LRRC66: variants seen among roughly 807,000 people sequenced by gnomAD.
The protein encoded by LRRC66 is leucine-rich repeat-containing protein 66.
Under a neutral mutation model 24.6 loss-of-function variants are expected in LRRC66, and 29 were observed. That is an observed-to-expected ratio of 1.18 (90% CI 0.88 to 1.61). The LOEUF (loss-of-function observed/expected upper bound fraction) is 1.61, where lower values mean the gene tolerates loss of function less well. Among genes scored for constraint, LRRC66 ranks in the 40% most tolerant of loss-of-function variants. The pLI, the probability that LRRC66 is intolerant of heterozygous loss-of-function variation, is 0.00. For missense variants in LRRC66, 1,124 were observed against 1,058.0 expected (o/e 1.06, Z -0.87); for synonymous variants, 411 against 397.6 (o/e 1.03, Z -0.40).
At chr4:52,016,104 T>C (rs777765275) in intron 2 of LRRC66, among the ~76,000 whole-genome samples, 5 of 152,202 alleles carry the variant, frequency 3.3e-5, no homozygotes, top group Non-Finnish European at 7.3e-5. Context: ...ATACTACTTT[T>C]ATGGAGAAGG....
Position 52,017,610 on chromosome 4 carries a change from T to C in LRRC66, c.4A>G (p.Lys2Glu), listed in dbSNP as rs544336958. 12 of 1,545,934 alleles carry C rather than the reference T, an allele frequency of 7.8e-6. No homozygotes were observed. The highest frequency in any genetic ancestry group is 2.8e-5 in the African/African-American group (2 of 72,378). The change falls in exon 2 of 5, where the codon AAA (lysine) becomes GAA (glutamate). Residue 2 changes from lysine to glutamate, a missense_variant. Transcript: ENST00000682860. ...GTAATGACTCTGAAATAGAGGTTTTTCATAATGCCTGGAAAAAGGAAAATG... is the reference window on the plus strand; with the variant it reads ...GTAATGACTCTGAAATAGAGGTTTTCCATAATGCCTGGAAAAAGGAAAATG... M[K>E]NLYFRVITIV...
At chr4:52,002,577 C>G (rs1178937185) in intron 3 of LRRC66, among the ~76,000 whole-genome samples, 3 of 152,172 alleles carry the variant, frequency 2.0e-5, no homozygotes, top group Admixed American at 1.3e-4. Context: ...TAATTGGCAC[C>G]TTGGGAGATT....
At chr4:52,011,515 T>C (rs562243994) in intron 2 of LRRC66, among the ~76,000 whole-genome samples, 1 of 152,206 alleles carries the variant, frequency 6.6e-6, no homozygotes, top group African/African-American at 2.4e-5. Context: ...TGTTGGTGAA[T>C]ACTCTAAACA....
intron 4 of LRRC66, 56 bp downstream of exon 4, chr4:51,997,692 C>T: frequency 6.8e-7 from 1 of 1,471,690 alleles, no homozygotes; most frequent in South Asian, 1.2e-5. Context: ...ACTAAAATGT[C>T]TATGTGCATT....
chr4:51,994,774 C>T lies in LRRC66; in HGVS notation c.2248G>A (p.Val750Ile), dbSNP rs1439376119. Residue 750 changes from valine to isoleucine, a missense_variant, in exon 5 of 5, where the codon GTA becomes ATA. Physicochemically the swap from Val to Ile is conservative, Grantham distance 29. Transcript: ENST00000682860. ...GTAACATTTTCCTCAAGACTGTCTACAGCCGTCACATTGTCCTTGCTTGCC... is the reference window on the plus strand; with the variant it reads ...GTAACATTTTCCTCAAGACTGTCTATAGCCGTCACATTGTCCTTGCTTGCC... Reference protein sequence around the residue: ...SGASKDNVTAVDSLEENVTFQ... With the variant: ...SGASKDNVTAIDSLEENVTFQ... 8 of 1,614,110 alleles carry T rather than the reference C, an allele frequency of 5.0e-6. No individual in the cohort carries two copies. Among genetic ancestry groups the T allele is most frequent in the South Asian group, 1.1e-5 (1 of 91,092 alleles).
intron 3 of LRRC66, 107 bp from the exon 4 acceptor site, chr4:51,998,044 G>T: frequency 1.1e-6 from 1 of 929,522 alleles, no homozygotes; most frequent in Non-Finnish European, 1.7e-6. Flanking sequence ...GAGGCAATAT[G>T]GATTTAACAC....
chr4:52,000,754 C>T (rs1407159794), intron 3 of LRRC66, among the ~76,000 whole-genome samples: 6 of 152,188 alleles, frequency 3.9e-5, no homozygotes, highest in South Asian at 2.1e-4. Flanking sequence ...CCGACGGCCA[C>T]GTGAACTTGG....
chr4:52,013,079 T>C (rs1182385965), intron 2 of LRRC66, among the ~76,000 whole-genome samples: 2 of 152,198 alleles, frequency 1.3e-5, no homozygotes, highest in Non-Finnish European at 2.9e-5. Flanking sequence ...TGTGGTCAAA[T>C]TATGTAGGTT....
chr4:51,999,335 A>G (rs1243173590), intron 3 of LRRC66, among the ~76,000 whole-genome samples: 1 of 152,248 alleles, frequency 6.6e-6, no homozygotes, highest in Non-Finnish European at 1.5e-5. Context: ...GGCTTATTCA[A>G]GCAAATAATC....
At chr4:52,006,925 C>T (rs1032847714) in intron 2 of LRRC66, among the ~76,000 whole-genome samples, 2 of 151,922 alleles carry the variant, frequency 1.3e-5, no homozygotes, top group Admixed American at 6.6e-5. Context: ...CCCAACAACA[C>T]CATGGTAGGT....
chr4:52,004,259 T>C (rs1468515103), intron 2 of LRRC66, among the ~76,000 whole-genome samples: 1 of 152,176 alleles, frequency 6.6e-6, no homozygotes, highest in Non-Finnish European at 1.5e-5. Flanking sequence ...TCCACCGCCT[T>C]GGCCTCCCAA....
Position 51,993,990 on chromosome 4 carries a change from C to T in LRRC66, c.*389G>A, listed in dbSNP as rs1519588. On this transcript the variant is annotated 3_prime_UTR_variant, in exon 5 of 5. Transcript: ENST00000682860. Reference sequence around the variant, plus strand: ...TTGAGAAGGAAAGTTAGAACCACTTCGTCTAACTGCAACAGATTCTCTTCT... The same window carrying T: ...TTGAGAAGGAAAGTTAGAACCACTTTGTCTAACTGCAACAGATTCTCTTCT... 71,469 of 166,196 alleles carry T rather than the reference C, an allele frequency of 0.43. 19,358 individuals are homozygous for T. The highest frequency in any genetic ancestry group is 0.78 in the African/African-American group (32,723 of 41,802). The allele number at this position is 166,196 out of a possible 1,614,324, so 10.3% of individuals were successfully genotyped here.
intron 4 of LRRC66, among the ~76,000 whole-genome samples, 159 bp from the exon 5 acceptor site, chr4:51,996,324 G>T (rs1736316681): frequency 6.6e-6 from 1 of 152,098 alleles, no homozygotes; most frequent in Non-Finnish European, 1.5e-5. Context: ...ATAACTCACT[G>T]AAGCCTCAGA....
chr4:52,011,677 C>T (rs976755155), intron 2 of LRRC66, among the ~76,000 whole-genome samples: 1 of 152,154 alleles, frequency 6.6e-6, no homozygotes, highest in Non-Finnish European at 1.5e-5. Flanking sequence ...CTTTTGAACA[C>T]CTGCTGTGTG....
At chr4:52,014,387 T>C (rs1736766962) in intron 2 of LRRC66, among the ~76,000 whole-genome samples, 1 of 152,240 alleles carries the variant, frequency 6.6e-6, no homozygotes, top group Admixed American at 6.5e-5. Context: ...TCAGACAAGA[T>C]TCTGAAGTAG....
Position 51,994,800 on chromosome 4 carries a change from C to T in LRRC66, c.2222G>A (p.Gly741Glu), listed in dbSNP as rs1245492902. 1 of 1,614,194 alleles carries T rather than the reference C, an allele frequency of 6.2e-7. No individual in the cohort carries two copies. Residue 741 changes from glycine (G) to glutamate (E), a missense_variant, in exon 5 of 5, where the codon GGG (glycine) becomes GAG (glutamate). By Grantham distance (98) the Gly-to-Glu change is moderately conservative. Transcript: ENST00000682860. ...AGCCGTCACATTGTCCTTGCTTGCC[C>T]CTGAGCTCTCGTCCTGCAGGGACTC... ...DEESLQDESS[G>E]ASKDNVTAVD...
chr4:52,017,849 T>C, intron 1 of LRRC66: 2 of 985,402 alleles, frequency 2.0e-6, no homozygotes, highest in Non-Finnish European at 1.2e-6. Context: ...ACTCCCCTGA[T>C]TTTTCAGAAA....
Position 51,994,507 on chromosome 4 carries a change from A to T in LRRC66, c.2515T>A (p.Cys839Ser), listed in dbSNP as rs1206260521. The T allele has an allele frequency of 5.0e-6, 8 of 1,614,086 alleles. No homozygotes were observed. The highest frequency in any genetic ancestry group is 1.3e-5 in the African/African-American group (1 of 74,928). ...ALQSKAAEWH[C>S]SLRDLEFSNV... ...GAAAATTCTAAGTCTCTAAGTGAGC[A>T]ATGCCATTCTGCTGCCTTGGATTGA... is the stretch of plus-strand genomic sequence containing the variant. The change falls in exon 5 of 5, where the codon TGC becomes AGC. Residue 839 changes from cysteine (C) to serine (S), a missense_variant. Cys to Ser is a moderately radical substitution (Grantham distance 112). Transcript: ENST00000682860.
At chr4:52,017,881 A>C in intron 1 of LRRC66, 2 of 985,384 alleles carry the variant, frequency 2.0e-6, no homozygotes, top group African/African-American at 3.5e-5. Context: ...GTTAGGCCTC[A>C]CCTCTGCATC....
Sources: allele counts gnomAD v4.1 joint callset (sites outside exome capture counted in the v4.1 genomes callset), GRCh38; gene constraint gnomAD v4.1.1; transcripts MANE v1.5; gene names NCBI Gene and HGNC (gene_info 2026-07-23, HGNC 2026-07-21).